PSMA8: variants seen among roughly 807,000 people sequenced by gnomAD.
The protein encoded by PSMA8 is proteasome 20S subunit alpha 8, also known as proteasome subunit alpha-type 8.
A neutral mutation model predicts 32.4 loss-of-function variants in PSMA8; 18 were observed. The observed-to-expected ratio is 0.56, with a 90% CI of 0.38 to 0.82. PSMA8 has a LOEUF of 0.82. Among genes scored for constraint, PSMA8 ranks in the 40% least tolerant of loss-of-function variants. The pLI, the probability that PSMA8 is intolerant of heterozygous loss-of-function variation, is 0.00. For missense variants in PSMA8, 298 were observed against 300.7 expected, an observed-to-expected ratio of 0.99 and a Z score of 0.07; for synonymous variants, 104 against 98.1, an observed-to-expected ratio of 1.06 and a Z score of -0.36.
chr18:26,159,705 A>C (rs1244218054), intron 4 of PSMA8, among the ~76,000 whole-genome samples: 1 of 151,992 alleles, frequency 6.6e-6, no homozygotes, highest in Non-Finnish European at 1.5e-5. Flanking sequence ...AAAATTATGG[A>C]ATTTTTTAGT....
At chr18:26,163,213 G>GTATGTATATATATATATA (rs1555662071) in intron 4 of PSMA8, among the ~76,000 whole-genome samples, 2 of 80,912 alleles carry the variant, frequency 2.5e-5, no homozygotes, top group African/African-American at 1.0e-4. Context: ...ATGTGTGTGT[G>GTATGTATATATATATATA]TATATATATA....
chr18:26,150,234 T>C (rs78799754), intron 2 of PSMA8, among the ~76,000 whole-genome samples: 2,508 of 152,356 alleles, frequency 0.016, 67 homozygotes, highest in African/African-American at 0.057. Flanking sequence ...ATACTCAACC[T>C]GTACATATTT....
rs1396884124 is a variant in PSMA8 at position 26,177,677 on chromosome 18, A to C, written c.478-1153A>C. Among the ~76,000 whole-genome samples, 4 of 152,230 alleles carry C rather than the reference A, an allele frequency of 2.6e-5. No homozygotes were observed. In the East Asian group the frequency reaches 7.7e-4, roughly 29 times the overall value. ...CATCTGATGAAAATGTGTAAAGAACAAAGAAAAGAGGAAAGGAATAGAAGC... is the reference window on the plus strand; with the variant it reads ...CATCTGATGAAAATGTGTAAAGAACCAAGAAAAGAGGAAAGGAATAGAAGC... On this transcript the variant is annotated intron_variant, in intron 4 of 6. Transcript: ENST00000415576.
intron 6 of PSMA8, among the ~76,000 whole-genome samples, chr18:26,186,648 T>C (rs2055357863): frequency 6.6e-6 from 1 of 152,226 alleles, no homozygotes; most frequent in African/African-American, 2.4e-5. Context: ...TATGTACTTC[T>C]TAAATCACTG....
chr18:26,139,958 C>T, intron 1 of PSMA8: 1 of 675,688 alleles, frequency 1.5e-6, no homozygotes, highest in South Asian at 1.6e-5. Context: ...ACTCTTGTAG[C>T]TTACTGAGCT....
intron 6 of PSMA8, among the ~76,000 whole-genome samples, chr18:26,182,271 T>A (rs912073300): frequency 6.6e-6 from 1 of 152,210 alleles, no homozygotes; most frequent in African/African-American, 2.4e-5. Flanking sequence ...AGATTTTCAA[T>A]GTAGATGAAA....
At chr18:26,155,980 A>G (rs1440145320) in intron 3 of PSMA8, among the ~76,000 whole-genome samples, 1 of 152,210 alleles carries the variant, frequency 6.6e-6, no homozygotes, top group East Asian at 1.9e-4. Context: ...TAATCTTCCT[A>G]AAAAATGGGC....
At chr18:26,154,378 G>T (rs918624226) in intron 3 of PSMA8, among the ~76,000 whole-genome samples, 7 of 151,962 alleles carry the variant, frequency 4.6e-5, no homozygotes, top group South Asian at 2.1e-4. Context: ...TATTTGCTTC[G>T]ATTTTCCTAA....
At chr18:26,159,377 T>G (rs2055117391) in intron 4 of PSMA8, among the ~76,000 whole-genome samples, 1 of 152,168 alleles carries the variant, frequency 6.6e-6, no homozygotes. Context: ...TTAATCTGCC[T>G]GAGTAATCTA....
chr18:26,164,027 A>G (rs925931845), intron 4 of PSMA8, among the ~76,000 whole-genome samples: 1 of 152,236 alleles, frequency 6.6e-6, no homozygotes, highest in Non-Finnish European at 1.5e-5. Flanking sequence ...AGAGTTATCA[A>G]TTTACTCAGT....
intron 4 of PSMA8, among the ~76,000 whole-genome samples, chr18:26,171,528 G>A (rs1469010583): frequency 6.6e-6 from 1 of 152,208 alleles, no homozygotes; most frequent in Non-Finnish European, 1.5e-5. Context: ...GAAGTCAGGA[G>A]TTTGAGACCA....
At chr18:26,141,079 T>C (rs911551203) in intron 1 of PSMA8, among the ~76,000 whole-genome samples, 2 of 152,326 alleles carry the variant, frequency 1.3e-5, no homozygotes, top group East Asian at 3.9e-4. Flanking sequence ...AGATATACAT[T>C]TTAATTATTT....
At chr18:26,175,580 T>C (rs2055257616) in intron 4 of PSMA8, among the ~76,000 whole-genome samples, 1 of 152,022 alleles carries the variant, frequency 6.6e-6, no homozygotes, top group East Asian at 1.9e-4. Flanking sequence ...CCCAAGGGAG[T>C]TAAGAGCTGA....
chr18:26,159,761 T>C (rs889922646), intron 4 of PSMA8, among the ~76,000 whole-genome samples: 2 of 152,070 alleles, frequency 1.3e-5, no homozygotes, highest in Non-Finnish European at 2.9e-5. Flanking sequence ...TCTGCTCTGC[T>C]CTGGTGTCTT....
At position 26,171,364 on chromosome 18, in the gene PSMA8, T is replaced by C. The variant is rs1026266007; in HGVS notation, c.478-7466T>C. 3.5e-5 allele frequency: 49 copies of C among 1,402,296 alleles called. 1 individual carries two copies. The highest frequency in any genetic ancestry group is 4.3e-5 in the Non-Finnish European group (44 of 1,013,624). 86.9% of individuals were successfully genotyped at this position (1,402,296 alleles called of 1,614,324 possible). A position where few individuals can be genotyped will look rare whatever the true frequency, so the allele number is the denominator to read the frequency against. On this transcript the variant is annotated intron_variant, in intron 4 of 6. Coordinates refer to ENST00000415576, the MANE Select transcript of PSMA8 (RefSeq NM_001025096.2). ...AAGTTTGGCGCGAAATTGTCGGTAT[T>C]TTGTTATGACATACCAAGCAGACTA...
At chr18:26,155,863 T>C (rs1036160646) in intron 3 of PSMA8, among the ~76,000 whole-genome samples, 1 of 151,936 alleles carries the variant, frequency 6.6e-6, no homozygotes, top group Non-Finnish European at 1.5e-5. Context: ...GAGTGAAGAG[T>C]CCATCTGCAA....
At chr18:26,136,087 A>G (rs150558150) in intron 1 of PSMA8, among the ~76,000 whole-genome samples, 5 of 152,332 alleles carry the variant, frequency 3.3e-5, no homozygotes, top group African/African-American at 1.2e-4. Flanking sequence ...TAGATGTGAT[A>G]CTATTTAGTA....
chr18:26,144,349 A>G (rs1228725966), intron 1 of PSMA8, among the ~76,000 whole-genome samples: 1 of 152,044 alleles, frequency 6.6e-6, no homozygotes, highest in Non-Finnish European at 1.5e-5. Flanking sequence ...TTTCTTTGCA[A>G]TTTCTACCTA....
At chr18:26,153,475 TGAA>T (rs2055062396) in intron 3 of PSMA8, among the ~76,000 whole-genome samples, 1 of 152,212 alleles carries the variant, frequency 6.6e-6, no homozygotes, top group South Asian at 2.1e-4. Context: ...AATGTATCCT[TGAA>T]GAATCATCAA....
Sources: gnomAD v4.1 joint callset for allele counts (sites outside exome capture counted in the v4.1 genomes callset) on GRCh38, gnomAD v4.1.1 for gene constraint, MANE v1.5 for transcripts, NCBI Gene and HGNC (gene_info 2026-07-23, HGNC 2026-07-21) for gene names.